GALNTL6: variants seen among roughly 807,000 people sequenced by gnomAD.
GALNTL6 encodes the protein polypeptide N-acetylgalactosaminyltransferase like 6, also known as polypeptide N-acetylgalactosaminyltransferase-like 6.
GALNTL6 carries 46 observed loss-of-function variants against 73.7 expected under a neutral mutation model. The observed-to-expected ratio is 0.62, with a 90% confidence interval of 0.49 to 0.80. GALNTL6 has a LOEUF of 0.80. Among genes scored for constraint, GALNTL6 ranks in the 30% least tolerant of loss-of-function variants. The probability of loss-of-function intolerance (pLI) is 0.00; values close to 1 mark genes in which losing one functional copy is unlikely to be tolerated. For missense variants in GALNTL6, 604 were observed against 755.0 expected (o/e 0.80, Z 2.34); for synonymous variants, 259 against 263.7 (o/e 0.98, Z 0.17).
At chr4:172,494,122 A>G (rs963104052) in intron 5 of GALNTL6, among the ~76,000 whole-genome samples, 2 of 152,200 alleles carry the variant, frequency 1.3e-5, no homozygotes, top group Non-Finnish European at 1.5e-5. Context: ...ATATAGCAAC[A>G]TAATTGTATT....
At chr4:172,047,316 A>T (rs1010595817) in intron 2 of GALNTL6, among the ~76,000 whole-genome samples, 5 of 152,154 alleles carry the variant, frequency 3.3e-5, no homozygotes, top group Admixed American at 3.3e-4. Context: ...GATATATGCT[A>T]CGGAAGTATA....
At chr4:172,481,254 C>G (rs991088185) in intron 5 of GALNTL6, among the ~76,000 whole-genome samples, 5 of 150,836 alleles carry the variant, frequency 3.3e-5, no homozygotes, top group African/African-American at 9.7e-5. Flanking sequence ...CCGAGTTGTT[C>G]ATTCCTCCCG....
rs1224312009 is a variant in GALNTL6 at position 171,934,114 on chromosome 4, G to A, written c.138+119396G>A. On this transcript the variant is annotated intron_variant, in intron 2 of 12. Transcript: ENST00000506823. ...AGGTGGAGTCCCTTTGGGATAAATA[G>A]GCTAGTGTATCTCATATCAAGAGAT... 2.0e-5 allele frequency among the ~76,000 whole-genome samples: 3 copies of A among 152,074 alleles called. No individual in the cohort carries two copies. The East Asian group carries it at 5.8e-4, about 29-fold the overall frequency.
At chr4:172,842,270 A>C (rs879006834) in intron 7 of GALNTL6, among the ~76,000 whole-genome samples, 1 of 152,182 alleles carries the variant, frequency 6.6e-6, no homozygotes, top group Non-Finnish European at 1.5e-5. Flanking sequence ...TCATTGTGCC[A>C]CCTTAGCCAC....
chr4:172,621,846 GT>G (rs1425395574), intron 5 of GALNTL6, among the ~76,000 whole-genome samples: 1 of 152,030 alleles, frequency 6.6e-6, no homozygotes, highest in African/African-American at 2.4e-5. Context: ...TGTAGCTAAT[GT>G]TTTTTTCTTC....
chr4:172,193,191 T>A (rs900602433), intron 2 of GALNTL6, among the ~76,000 whole-genome samples: 1 of 152,172 alleles, frequency 6.6e-6, no homozygotes, highest in Non-Finnish European at 1.5e-5. Context: ...ATTAAGTGAG[T>A]CCCTGATCCC....
intron 7 of GALNTL6, among the ~76,000 whole-genome samples, chr4:172,857,870 G>GT (rs1744197994): frequency 6.6e-6 from 1 of 152,124 alleles, no homozygotes; most frequent in Non-Finnish European, 1.5e-5. Flanking sequence ...TTCATTTACC[G>GT]TGGTAGGGGT....
chr4:172,893,951 G>T (rs1746186384), intron 8 of GALNTL6, among the ~76,000 whole-genome samples: 1 of 152,150 alleles, frequency 6.6e-6, no homozygotes, highest in Non-Finnish European at 1.5e-5. Context: ...CCCTTCCTTA[G>T]GACCTAGTCA....
chr4:171,916,535 A>T (rs796161360), intron 2 of GALNTL6, among the ~76,000 whole-genome samples: 35 of 152,250 alleles, frequency 2.3e-4, no homozygotes, highest in African/African-American at 8.4e-4. Context: ...TAAGTCTGAC[A>T]TGTACTTTGA....
chr4:171,948,212 A>T (rs537974641), intron 2 of GALNTL6, among the ~76,000 whole-genome samples: 1 of 152,210 alleles, frequency 6.6e-6, no homozygotes, highest in South Asian at 2.1e-4. Context: ...GAGCCTCTTT[A>T]TTTCCCTTGA....
chr4:172,780,535 A>G (rs1739318149), intron 5 of GALNTL6, among the ~76,000 whole-genome samples: 1 of 152,206 alleles, frequency 6.6e-6, no homozygotes, highest in African/African-American at 2.4e-5. Flanking sequence ...AAACAAATGG[A>G]ATTTGGCTGA....
intron 5 of GALNTL6, among the ~76,000 whole-genome samples, chr4:172,495,792 A>G (rs1159690375): frequency 6.6e-6 from 1 of 152,190 alleles, no homozygotes; most frequent in East Asian, 1.9e-4. Flanking sequence ...ATTGATGTTA[A>G]GGTTGCTCAT....
At chr4:172,279,044 T>C (rs952237112) in intron 3 of GALNTL6, among the ~76,000 whole-genome samples, 1 of 152,144 alleles carries the variant, frequency 6.6e-6, no homozygotes, top group African/African-American at 2.4e-5. Flanking sequence ...ACCCATACTT[T>C]GCACCATATA....
intron 7 of GALNTL6, among the ~76,000 whole-genome samples, chr4:172,849,191 A>G (rs940060431): frequency 6.6e-6 from 1 of 152,144 alleles, no homozygotes; most frequent in African/African-American, 2.4e-5. Context: ...TTTCAATATA[A>G]TCCTCTTTTT....
At chr4:172,881,776 T>C (rs1317987686) in intron 7 of GALNTL6, among the ~76,000 whole-genome samples, 1 of 152,240 alleles carries the variant, frequency 6.6e-6, no homozygotes, top group Non-Finnish European at 1.5e-5. Context: ...GGGTGTTCTC[T>C]GTTTCATATC....
chr4:172,376,455 C>G, intron 5 of GALNTL6, among the ~76,000 whole-genome samples: 1 of 152,252 alleles, frequency 6.6e-6, no homozygotes, highest in African/African-American at 2.4e-5. Context: ...CGACTCAGCC[C>G]AGGAAAACAG....
rs535881115 is a variant in GALNTL6, at chr4:172,118,545, C to G, written c.139-111111C>G. Among the ~76,000 whole-genome samples the G allele has an allele frequency of 3.3e-5, 5 of 151,832 alleles. No homozygotes were observed. The East Asian group carries it at 7.8e-4, about 24-fold the overall frequency. ...TGAAACCCCGTCTCTACTAAAAATA[C>G]AAAAATTAGTTGGGCATGGTGGCAT... On this transcript the variant is annotated intron_variant, in intron 2 of 12. Transcript: ENST00000506823.
chr4:172,296,167 A>G (rs1739664566), intron 3 of GALNTL6, among the ~76,000 whole-genome samples: 1 of 152,082 alleles, frequency 6.6e-6, no homozygotes, highest in Non-Finnish European at 1.5e-5. Flanking sequence ...AGCTTTCTGA[A>G]AATTTTCATT....
At chr4:171,902,787 T>C (rs1737137431) in intron 2 of GALNTL6, among the ~76,000 whole-genome samples, 1 of 152,202 alleles carries the variant, frequency 6.6e-6, no homozygotes, top group Non-Finnish European at 1.5e-5. Flanking sequence ...AATCTAGACG[T>C]GGACATTAAT....
Sources: allele counts gnomAD v4.1 joint callset (sites outside exome capture counted in the v4.1 genomes callset), GRCh38; gene constraint gnomAD v4.1.1; transcripts MANE v1.5; gene names NCBI Gene and HGNC (gene_info 2026-07-23, HGNC 2026-07-21).